Variants in PHC3 observed in about 807,000 individuals in gnomAD.
PHC3 encodes polyhomeotic homolog 3.
In PHC3, 13 loss-of-function variants were observed where a neutral mutation model predicts 107.4. The observed-to-expected ratio is 0.12, with a 90% CI of 0.08 to 0.19. PHC3 has a LOEUF of 0.19. PHC3 is among the 10% of genes least tolerant of loss of function. PHC3 has a pLI of 1.00. For missense variants in PHC3, 992 were observed against 1,210.9 expected, an observed-to-expected ratio of 0.82 and a Z score of 2.68; for synonymous variants, 456 against 427.4, an observed-to-expected ratio of 1.07 and a Z score of -0.83.
intron 4 of PHC3, chr3:170,169,989 G>C (rs1032388332): frequency 4.6e-5 from 7 of 151,248 alleles, no homozygotes; most frequent in African/African-American, 1.7e-4. Flanking sequence ...ACATCTTCAA[G>C]TCATAGGGAA....
intron 7 of PHC3, among the ~76,000 whole-genome samples, chr3:170,130,157 T>C (rs1487472000): frequency 1.3e-5 from 2 of 152,234 alleles, no homozygotes; most frequent in Non-Finnish European, 2.9e-5. Context: ...AATATCTACA[T>C]TAACTTTTAG....
chr3:170,133,008 AC>A (rs1722501188), intron 7 of PHC3, among the ~76,000 whole-genome samples: 1 of 152,154 alleles, frequency 6.6e-6, no homozygotes, highest in African/African-American at 2.4e-5. Flanking sequence ...TTACTTTGGC[AC>A]CCTAAAAATA....
At chr3:170,126,002 A>C (rs1721176533) in intron 8 of PHC3, 1 of 976,308 alleles carries the variant, frequency 1.0e-6, no homozygotes, top group East Asian at 1.1e-4. Context: ...CCCTTTCCTA[A>C]ATAAACTGAG....
At chr3:170,111,392 AAG>A (rs1229186171) in intron 11 of PHC3, among the ~76,000 whole-genome samples, 1 of 147,938 alleles carries the variant, frequency 6.8e-6, no homozygotes, top group Non-Finnish European at 1.5e-5. Flanking sequence ...GAGAGAAAGA[AAG>A]AGGAAGGAAG....
chr3:170,136,069 G>T (rs955775516), intron 7 of PHC3, among the ~76,000 whole-genome samples: 3 of 152,062 alleles, frequency 2.0e-5, no homozygotes, highest in Admixed American at 1.3e-4. Context: ...ATAGTATACT[G>T]CTTTTTTAAA....
rs1261468095 is a variant in PHC3 at position 170,136,484 on chromosome 3, G to C, written c.854C>G (p.Pro285Arg). 1 of 1,605,616 alleles carries C rather than the reference G, an allele frequency of 6.2e-7. No individual in the cohort carries two copies. Among genetic ancestry groups the C allele is most frequent in the Non-Finnish European group, 8.5e-7 (1 of 1,176,626 alleles). Residue 285 changes from proline to arginine, a missense_variant, in exon 7 of 15, where the codon CCA becomes CGA. This residue lies in a region of PHC3 where 543 missense variants were observed against 590.8 expected (regional missense o/e 0.92). Transcript: ENST00000495893. ...AGCTGTGCTTCGTGATTCCAGGCTT[G>C]GGCTCTCTCCTTTCTTATTACTTTC... ...SPESNKKGES[P>R]SLESRSTAVT...
intron 6 of PHC3, 66 bp downstream of exon 6, chr3:170,145,357 C>A (rs867372664): frequency 3.0e-6 from 4 of 1,326,656 alleles, no homozygotes; most frequent in Non-Finnish European, 4.2e-6. Flanking sequence ...AACACAAATG[C>A]AATGCTTAAC....
In PHC3 at chr3:170,088,726, AT is replaced by A. The variant is rs1376838266; in HGVS notation, c.*8503del. On this transcript the variant is annotated 3_prime_UTR_variant, in exon 15 of 15. Transcript: ENST00000495893. ...TTAAAAATTAAAACACTTGAAAAGT[AT>A]TTTTTAAACCAGTACCATGGAATAA... 3 of 152,256 alleles carry A rather than the reference AT, an allele frequency of 2.0e-5. No individual in the cohort carries two copies. Among genetic ancestry groups the A allele is most frequent in the African/African-American group, 7.2e-5 (3 of 41,472 alleles). The allele number at this position is 152,256 out of a possible 1,614,324, so 9.4% of individuals were successfully genotyped here. A position where few individuals can be genotyped will look rare whatever the true frequency, so the allele number is the denominator to read the frequency against.
At position 170,129,741 on chromosome 3, in the gene PHC3, C is replaced by G. The variant is rs898426651; in HGVS notation, c.920-189G>C. 3.3e-5 allele frequency among the ~76,000 whole-genome samples: 5 copies of G among 151,886 alleles called. No individual in the cohort carries two copies. In the South Asian group the frequency reaches 8.3e-4, roughly 25 times the overall value. On this transcript the variant is annotated intron_variant, in intron 7 of 14. Coordinates refer to ENST00000495893, the MANE Select transcript of PHC3 (RefSeq NM_024947.4). ...TGAGACAGAGTCTTGCTCTTGTCAC[C>G]CAGGCTGGGGTGCAGTGGCATGATC...
Position 170,172,611 on chromosome 3 carries a change from A to C in PHC3, c.282T>G (p.Ala94=). Residue 94 remains alanine, a synonymous_variant, in exon 3 of 15, where the codon GCT becomes GCG. Coordinates refer to ENST00000495893, the MANE Select transcript of PHC3 (RefSeq NM_024947.4). ...QQQHLMLHTA[A]LQQQHLSSSQ... ...AGCTGCTTAAATGCTGCTGCTGAAG[A>C]GCTGCAGTATGCAGCATCAAGTGCT... 6 of 1,613,704 alleles carry C rather than the reference A, an allele frequency of 3.7e-6. No individual in the cohort carries two copies. The highest frequency in any genetic ancestry group is 5.1e-6 in the Non-Finnish European group (6 of 1,179,838).
Position 170,113,393 on chromosome 3 carries a change from A to C in PHC3, c.2320T>G (p.Ser774Ala). 1 of 1,611,138 alleles carries C rather than the reference A, an allele frequency of 6.2e-7. No individual in the cohort carries two copies. The highest frequency in any genetic ancestry group is 1.1e-5 in the South Asian group (1 of 90,252). ...QNNTKHADNSSDTEMEDMIAE... is the reference protein window; with the variant it reads ...QNNTKHADNSADTEMEDMIAE... ...ATCATGTCTTCCATCTCTGTGTCAG[A>C]TGAATTATCCGCATGTTTTGTATTA... Residue 774 changes from serine to alanine, a missense_variant, in exon 11 of 15, where the codon TCT (serine) becomes GCT (alanine). Ser to Ala is a moderately conservative substitution (Grantham distance 99). This residue lies in a region of PHC3 where 228 missense variants were observed against 288.8 expected (regional missense o/e 0.79). Transcript: ENST00000495893.
At chr3:170,178,637 G>T in intron 2 of PHC3, 136 bp downstream of exon 2, 1 of 962,980 alleles carries the variant, frequency 1.0e-6, no homozygotes, top group Non-Finnish European at 1.6e-6. Context: ...ACACAAAATG[G>T]ATTGAGACAG....
chr3:170,164,891 T>C (rs1038865196), intron 4 of PHC3, among the ~76,000 whole-genome samples: 2 of 152,136 alleles, frequency 1.3e-5, no homozygotes, highest in African/African-American at 4.8e-5. Flanking sequence ...AGAAAAAAAC[T>C]GTGGCCCCAC....
chr3:170,110,515 C>T (rs898611152), intron 11 of PHC3, among the ~76,000 whole-genome samples: 3 of 152,134 alleles, frequency 2.0e-5, no homozygotes, highest in African/African-American at 7.2e-5. Context: ...TTATAGGAAA[C>T]CCACCAAACT....
intron 9 of PHC3, among the ~76,000 whole-genome samples, chr3:170,118,708 C>T (rs925448849): frequency 1.3e-5 from 2 of 152,032 alleles, no homozygotes; most frequent in African/African-American, 2.4e-5. Context: ...ACTCACCATG[C>T]CTGGCTGCCT....
At position 170,124,439 on chromosome 3, in the gene PHC3, G is replaced by A. The variant is rs144566437; in HGVS notation, c.1789-1695C>T. On this transcript the variant is annotated intron_variant, in intron 8 of 14. Coordinates refer to ENST00000495893, the MANE Select transcript of PHC3 (RefSeq NM_024947.4). ...ACTCTGCTGCCCAGGCTGGAGTGCAGTGGCTCCATTATGGCTCACTCAGCC... is the reference window on the plus strand; with the variant it reads ...ACTCTGCTGCCCAGGCTGGAGTGCAATGGCTCCATTATGGCTCACTCAGCC... Among the ~76,000 whole-genome samples, 932 of 152,256 alleles carry A rather than the reference G, an allele frequency of 6.1e-3. 27 individuals carry two copies. Among genetic ancestry groups the A allele is most frequent in the Admixed American group, 0.052 (794 of 15,284 alleles).
chr3:170,171,979 T>C (rs1479198169), intron 3 of PHC3, among the ~76,000 whole-genome samples: 2 of 152,176 alleles, frequency 1.3e-5, no homozygotes, highest in Admixed American at 6.5e-5. Context: ...CAAAAATCTT[T>C]TTTAAAAACA....
intron 3 of PHC3, among the ~76,000 whole-genome samples, chr3:170,172,256 A>C (rs946431060): frequency 3.3e-5 from 5 of 152,148 alleles, no homozygotes; most frequent in African/African-American, 1.2e-4. Context: ...GTAAAAATAC[A>C]ATTTATGTAA....
At chr3:170,104,124 G>A (rs1386068972) in intron 12 of PHC3, among the ~76,000 whole-genome samples, 2 of 151,974 alleles carry the variant, frequency 1.3e-5, no homozygotes, top group Non-Finnish European at 2.9e-5. Context: ...AATAAGCATG[G>A]TTGTGTTCTA....
Sources: gnomAD v4.1 joint callset for allele counts (sites outside exome capture counted in the v4.1 genomes callset) on GRCh38, gnomAD v4.1.1 for gene constraint, gnomAD v4.1.1 regional missense constraint, MANE v1.5 for transcripts, NCBI Gene and HGNC (gene_info 2026-07-23, HGNC 2026-07-21) for gene names.